The following DAB1 variants were observed in gnomAD, a reference collection of about 807,000 sequenced individuals.
DAB1 encodes DAB adaptor protein 1.
DAB1 carries 15 observed loss-of-function variants against 64.6 expected under a neutral mutation model. The observed-to-expected ratio is 0.23, with a 90% CI of 0.16 to 0.36. The LOEUF (loss-of-function observed/expected upper bound fraction) is 0.36. DAB1 is among the 10% of genes least tolerant of loss of function. DAB1 has a pLI of 1.00. For synonymous variants in DAB1, 235 were observed against 251.9 expected (o/e 0.93, Z 0.64); for missense variants, 596 against 706.7 (o/e 0.84, Z 1.78).
chr1:57,630,320 C>T lies in DAB1; in HGVS notation n.625+19272G>A, dbSNP rs570298041. On this transcript the variant is annotated intron_variant and non_coding_transcript_variant, in intron 7 of 20. Transcript: ENST00000485760. ...GTGCAAATTTTAAAACTCCTCATGT[C>T]GATTATTTTTAAGAATGATGAAAAA... 7.2e-5 allele frequency among the ~76,000 whole-genome samples: 11 copies of T among 152,094 alleles called. No individual in the cohort carries two copies. In the East Asian group the frequency reaches 9.7e-4, roughly 13 times the overall value.
rs1685137713 is a variant in DAB1 at position 57,423,962 on chromosome 1, C to A, written c.-169G>T. The stretch of plus-strand genomic sequence containing the variant: ...AGCCCAGAGCATCCTCCTCCGCTGC[C>A]GCAGCCGCCCAGGAAGCGGCTCCCC... On this transcript the variant is annotated 5_prime_UTR_variant, in exon 1 of 15. Coordinates refer to ENST00000371236, the MANE Select transcript of DAB1 (RefSeq NM_001365792.1). The A allele has an allele frequency of 6.6e-6, 1 of 152,088 alleles. No individual in the cohort carries two copies. The highest frequency in any genetic ancestry group is 6.6e-5 in the Admixed American group (1 of 15,266). The allele number at this position is 152,088 out of a possible 1,614,324, so 9.4% of individuals were successfully genotyped here.
chr1:57,480,481 G>C (rs1477810525), intron 7 of DAB1, among the ~76,000 whole-genome samples: 1 of 146,522 alleles, frequency 6.8e-6, no homozygotes, highest in African/African-American at 2.7e-5. Flanking sequence ...ATCATAATTA[G>C]TGTAATTTTC....
intron 2 of DAB1, among the ~76,000 whole-genome samples, chr1:57,164,099 G>A (rs1461492709): frequency 6.6e-6 from 1 of 152,094 alleles, no homozygotes; most frequent in Non-Finnish European, 1.5e-5. Flanking sequence ...TATGAGGTTT[G>A]AGGTCTCGGA....
chr1:58,532,827 A>C (rs1646456034), intron 1 of DAB1, among the ~76,000 whole-genome samples: 2 of 152,234 alleles, frequency 1.3e-5, no homozygotes, highest in African/African-American at 4.8e-5. Context: ...CACCCAGTCA[A>C]GAAAAATGTT....
intron 4 of DAB1, among the ~76,000 whole-genome samples, chr1:58,294,625 T>G (rs557208006): frequency 6.6e-6 from 1 of 152,148 alleles, no homozygotes; most frequent in South Asian, 2.1e-4. Context: ...AAATCCAATT[T>G]CATGGTAAAT....
At chr1:58,357,274 TAGAGTC>T (rs1557738817) in intron 3 of DAB1, among the ~76,000 whole-genome samples, 1 of 151,982 alleles carries the variant, frequency 6.6e-6, no homozygotes, top group Non-Finnish European at 1.5e-5. Context: ...GGAAAACTGA[TAGAGTC>T]AGAGGAATAA....
At chr1:57,872,281 G>A (rs769200271) in intron 1 of DAB1, among the ~76,000 whole-genome samples, 5 of 152,226 alleles carry the variant, frequency 3.3e-5, no homozygotes, top group Non-Finnish European at 7.4e-5. Flanking sequence ...GACATAATTA[G>A]CTCATGGAAG....
chr1:57,753,712 C>A (rs1648659083), intron 6 of DAB1, among the ~76,000 whole-genome samples: 1 of 152,188 alleles, frequency 6.6e-6, no homozygotes, highest in Non-Finnish European at 1.5e-5. Flanking sequence ...ACTTGTTACC[C>A]TAACTCTGTG....
At chr1:58,362,795 A>G (rs76890251) in intron 3 of DAB1, among the ~76,000 whole-genome samples, 1,716 of 152,318 alleles carry the variant, frequency 0.011, 18 homozygotes, top group Admixed American at 0.021. Flanking sequence ...ACTGCAGTCC[A>G]AGGAGGGGAT....
At position 57,206,968 on chromosome 1, in the gene DAB1, C is replaced by CTTTTTTTTTTTTTTTTTTTT. The variant is rs201111039; in HGVS notation, c.68-61559_68-61540dup. Among the ~76,000 whole-genome samples the CTTTTTTTTTTTTTTTTTTTT allele has an allele frequency of 1.1e-4, 9 of 84,490 alleles. 1 individual carries two copies. The highest frequency in any genetic ancestry group is 2.5e-4 in the African/African-American group (5 of 20,340). 55.4% of individuals were successfully genotyped at this position (84,490 alleles called of 152,430 possible). Reference sequence around the variant, plus strand: ...CTCTTTCTCTTTCTTTCCTTCCTTCCTTTTTTTTTTTTTTTTTTTTTTGGA... The same window carrying CTTTTTTTTTTTTTTTTTTTT: ...CTCTTTCTCTTTCTTTCCTTCCTTCCTTTTTTTTTTTTTTTTTTTTTTTTTTTTTTTTTTTTTTTTTTGGA... On this transcript the variant is annotated intron_variant, in intron 2 of 14. Coordinates refer to ENST00000371236, the MANE Select transcript of DAB1 (RefSeq NM_001365792.1).
chr1:57,343,441 C>T lies in DAB1; in HGVS notation c.-136-52275G>A, dbSNP rs753069331. The stretch of plus-strand genomic sequence containing the variant: ...GTGGAGCTGCCTGCCAGTCCCGCAC[C>T]GTGCGCCCGCACTCCTGAGCCCTTG... On this transcript the variant is annotated intron_variant, in intron 1 of 14. Coordinates refer to ENST00000371236, the MANE Select transcript of DAB1 (RefSeq NM_001365792.1). Among the ~76,000 whole-genome samples the T allele has an allele frequency of 6.6e-5, 10 of 152,360 alleles. No homozygotes were observed. In the East Asian group the frequency reaches 1.7e-3, roughly 27 times the overall value.
intron 6 of DAB1, among the ~76,000 whole-genome samples, chr1:57,678,718 AT>A (rs1646598374): frequency 7.0e-6 from 1 of 143,244 alleles, no homozygotes; most frequent in Non-Finnish European, 1.5e-5. Flanking sequence ...CTCGCTTAGT[AT>A]TTTCCATGTA....
chr1:58,365,876 A>C (rs552988122), intron 3 of DAB1, among the ~76,000 whole-genome samples: 1 of 152,116 alleles, frequency 6.6e-6, no homozygotes, highest in Non-Finnish European at 1.5e-5. Flanking sequence ...TGACCCTGCA[A>C]CTTGTGACAG....
intron 1 of DAB1, among the ~76,000 whole-genome samples, chr1:57,848,554 TG>T (rs1011971120): frequency 6.6e-6 from 1 of 152,140 alleles, no homozygotes; most frequent in African/African-American, 2.4e-5. Flanking sequence ...CTTGTGAAGT[TG>T]GGGACAGGGA....
chr1:57,700,165 A>G (rs1309291937), intron 6 of DAB1, among the ~76,000 whole-genome samples: 2 of 152,116 alleles, frequency 1.3e-5, no homozygotes, highest in African/African-American at 4.8e-5. Context: ...CTCTGTCCCC[A>G]CAGCCATTAC....
At chr1:57,897,225 G>A (rs1644404751) in intron 5 of DAB1, among the ~76,000 whole-genome samples, 1 of 152,148 alleles carries the variant, frequency 6.6e-6, no homozygotes, top group South Asian at 2.1e-4. Flanking sequence ...CCTTCAGAAA[G>A]GTTAGGTAAT....
At chr1:57,434,635 T>C (rs1685624384) in intron 7 of DAB1, among the ~76,000 whole-genome samples, 2 of 152,316 alleles carry the variant, frequency 1.3e-5, no homozygotes, top group South Asian at 2.1e-4. Context: ...AGCTTTGTCA[T>C]TGTGTGAACA....
intron 7 of DAB1, among the ~76,000 whole-genome samples, chr1:57,534,442 T>C (rs1254061167): frequency 6.6e-6 from 1 of 152,186 alleles, no homozygotes; most frequent in Non-Finnish European, 1.5e-5. Context: ...GGTCTCTTCC[T>C]TGTCCTGCAG....
intron 5 of DAB1, among the ~76,000 whole-genome samples, chr1:57,973,742 C>T (rs1258518448): frequency 6.6e-6 from 1 of 152,030 alleles, no homozygotes; most frequent in African/African-American, 2.4e-5. Context: ...CACTTCTTTC[C>T]ACATTCACTA....
Sources: gnomAD v4.1 joint callset for allele counts (sites outside exome capture counted in the v4.1 genomes callset) on GRCh38, gnomAD v4.1.1 for gene constraint, MANE v1.5 for transcripts, NCBI Gene and HGNC (gene_info 2026-07-23, HGNC 2026-07-21) for gene names.